KIF25: variants seen among roughly 807,000 people sequenced by gnomAD.
KIF25 encodes the protein kinesin-like protein KIF25.
In KIF25, 19 loss-of-function variants were observed where a neutral mutation model predicts 32.9. The ratio of observed to expected loss-of-function variants is 0.58; its 90% confidence interval spans 0.40 to 0.85. KIF25 has a LOEUF of 0.85. KIF25 is among the 40% of genes least tolerant of loss of function. The pLI is 0.00. For missense variants in KIF25, 485 were observed against 507.0 expected (o/e 0.96, Z 0.42); for synonymous variants, 225 against 213.7 (o/e 1.05, Z -0.46).
At chr6:168,025,671 C>A (rs993976259) in intron 5 of KIF25, among the ~76,000 whole-genome samples, 43 of 152,294 alleles carry the variant, frequency 2.8e-4, no homozygotes, top group Admixed American at 2.7e-3. Flanking sequence ...AAGGATTGGG[C>A]TGAATGTTTA....
In KIF25 at chr6:168,033,996, A is replaced by G; in HGVS notation, c.282A>G (p.Leu94=). The G allele has an allele frequency of 6.2e-7, 1 of 1,614,184 alleles. No homozygotes were observed. The highest frequency in any genetic ancestry group is 2.2e-5 in the East Asian group (1 of 44,878). Residue 94 remains leucine, a synonymous_variant, in exon 8 of 13, where the codon TTA becomes TTG. Transcript: ENST00000643607. ...TGCCGCTTGACCCACAGAGTGACTT[A>G]GGAATTATCCCTAGAGTGGCTGAGG... ...PVLPLDPQSD[L]GIIPRVAEEL...
intron 4 of KIF25, among the ~76,000 whole-genome samples, chr6:168,004,645 A>T (rs1408658123): frequency 1.3e-5 from 2 of 152,156 alleles, no homozygotes; most frequent in Non-Finnish European, 2.9e-5. Context: ...CCCTCAGAGG[A>T]TGCTGGTCAG....
intron 3 of KIF25, among the ~76,000 whole-genome samples, chr6:168,003,223 A>T (rs1280917178): frequency 1.3e-5 from 2 of 152,248 alleles, no homozygotes; most frequent in Non-Finnish European, 2.9e-5. Context: ...AGGGAAGATG[A>T]AAACAAGAAA....
chr6:168,040,657 C>T (rs556337831), intron 10 of KIF25, among the ~76,000 whole-genome samples: 1 of 152,238 alleles, frequency 6.6e-6, no homozygotes, highest in South Asian at 2.1e-4. Flanking sequence ...AGCAGCCACA[C>T]CTTTTCAGTA....
intron 12 of KIF25, 49 bp from the exon 13 acceptor site, chr6:168,044,778 C>A (rs747482972): frequency 6.6e-7 from 1 of 1,522,428 alleles, no homozygotes; most frequent in Non-Finnish European, 8.8e-7. Flanking sequence ...TTGGCACTTT[C>A]AGATGCTGCT....
Position 168,003,033 on chromosome 6 carries a change from G to A in KIF25, c.-253+374G>A, listed in dbSNP as rs569518506. ...AGTGATAGGGAGCGGCTGTAATTCAGAGAAGCTTTGCTCACTTGCGCACCG... is the reference window on the plus strand; with the variant it reads ...AGTGATAGGGAGCGGCTGTAATTCAAAGAAGCTTTGCTCACTTGCGCACCG... On this transcript the variant is annotated intron_variant, in intron 3 of 12. Transcript: ENST00000643607. 2.6e-3 allele frequency among the ~76,000 whole-genome samples: 399 copies of A among 152,362 alleles called. 2 individuals are homozygous for A. The highest frequency in any genetic ancestry group is 4.6e-3 in the Non-Finnish European group (310 of 68,044).
rs1583150825 is a variant in KIF25 at position 168,045,035 on chromosome 6, G to T, written c.*39G>T. On this transcript the variant is annotated 3_prime_UTR_variant, in exon 13 of 13. Coordinates refer to ENST00000643607, the MANE Select transcript of KIF25 (RefSeq NM_030615.4). Reference sequence around the variant, plus strand: ...TTTTTCTCCTAAAACTGTGTTTCTTGTCCTTGCTTTATAATGCATATGTGC... The same window carrying T: ...TTTTTCTCCTAAAACTGTGTTTCTTTTCCTTGCTTTATAATGCATATGTGC... The T allele has an allele frequency of 1.3e-6, 2 of 1,551,314 alleles. No individual in the cohort carries two copies. Among genetic ancestry groups the T allele is most frequent in the East Asian group, 4.6e-5 (2 of 43,750 alleles).
chr6:168,001,684 G>A (rs2516806), intron 2 of KIF25, among the ~76,000 whole-genome samples: 4 of 127,520 alleles, frequency 3.1e-5, no homozygotes, highest in South Asian at 2.9e-4. Context: ...CCTGAGGCGT[G>A]GCCTCGGGCA....
At chr6:168,004,705 T>G (rs1798554481) in intron 4 of KIF25, among the ~76,000 whole-genome samples, 1 of 152,126 alleles carries the variant, frequency 6.6e-6, no homozygotes, top group Admixed American at 6.5e-5. Flanking sequence ...TCAAACCCTC[T>G]AAGCACTTTC....
intron 4 of KIF25, among the ~76,000 whole-genome samples, chr6:168,008,631 G>C (rs1391131305): frequency 6.6e-6 from 1 of 151,976 alleles, no homozygotes; most frequent in Non-Finnish European, 1.5e-5. Context: ...ATTTTGATAA[G>C]GATTGCATTG....
chr6:167,998,948 G>C (rs1042729491), intron 1 of KIF25, 78 bp downstream of exon 1: 3 of 152,212 alleles, frequency 2.0e-5, no homozygotes, highest in African/African-American at 7.2e-5. Flanking sequence ...GCTACTCTGG[G>C]GGCTGAGGCA....
At chr6:168,001,421 G>A (rs1798499670) in intron 2 of KIF25, among the ~76,000 whole-genome samples, 1 of 152,228 alleles carries the variant, frequency 6.6e-6, no homozygotes, top group African/African-American at 2.4e-5. Flanking sequence ...GGCACTTCCA[G>A]ACGGCTTTTG....
At chr6:168,037,291 C>T (rs753151076) in intron 8 of KIF25, among the ~76,000 whole-genome samples, 2 of 152,198 alleles carry the variant, frequency 1.3e-5, no homozygotes, top group African/African-American at 2.4e-5. Context: ...GAAGACAAAA[C>T]TCCTCTAGAT....
chr6:168,025,573 C>G (rs188540393), intron 5 of KIF25, among the ~76,000 whole-genome samples: 3 of 152,284 alleles, frequency 2.0e-5, no homozygotes, highest in Non-Finnish European at 1.5e-5. Flanking sequence ...GACCCCACCT[C>G]CAATCCTTGC....
intron 5 of KIF25, among the ~76,000 whole-genome samples, chr6:168,023,195 G>T (rs1798811546): frequency 6.6e-6 from 1 of 151,516 alleles, no homozygotes; most frequent in Non-Finnish European, 1.5e-5. Flanking sequence ...CTGGGTGCTT[G>T]CAGTACCAAC....
intron 2 of KIF25, among the ~76,000 whole-genome samples, chr6:168,001,069 T>C (rs2114862079): frequency 6.6e-6 from 1 of 152,384 alleles, no homozygotes; most frequent in African/African-American, 2.4e-5. Flanking sequence ...TTCTGCACTT[T>C]TTTGACTGGT....
intron 7 of KIF25, among the ~76,000 whole-genome samples, chr6:168,032,626 T>C (rs1053024071): frequency 1.3e-5 from 2 of 152,218 alleles, no homozygotes; most frequent in Admixed American, 6.5e-5. Context: ...CTCTGCTGCT[T>C]TTCCTGTCCT....
rs1798733731 is a variant in KIF25, at chr6:168,017,670, TTG to T, written c.-162-297_-162-296del. ...GCCTGTGGCAGATTGAGGAGCTCTG[TTG>T]TGTGTTCCCCAGTAGATGCGACTTT... On this transcript the variant is annotated intron_variant, in intron 4 of 12. Transcript: ENST00000643607. Among the ~76,000 whole-genome samples, 4 of 152,276 alleles carry T rather than the reference TTG, an allele frequency of 2.6e-5. No individual in the cohort carries two copies. In the South Asian group the frequency reaches 8.3e-4, roughly 32 times the overall value.
intron 7 of KIF25, among the ~76,000 whole-genome samples, chr6:168,031,602 G>T (rs889643896): frequency 2.0e-5 from 3 of 152,242 alleles, no homozygotes; most frequent in African/African-American, 7.2e-5. Context: ...TGATGCAGTT[G>T]CTGCTTCAAC....
Sources: allele counts gnomAD v4.1 joint callset (sites outside exome capture counted in the v4.1 genomes callset), GRCh38; gene constraint gnomAD v4.1.1; transcripts MANE v1.5; gene names NCBI Gene and HGNC (gene_info 2026-07-23, HGNC 2026-07-21).